The following FAM110B variants were observed in gnomAD, a reference collection of about 807,000 sequenced individuals.
FAM110B encodes protein FAM110B.
In FAM110B, 6 loss-of-function variants were observed where a neutral mutation model predicts 20.4. The ratio of observed to expected loss-of-function variants is 0.29; its 90% confidence interval spans 0.16 to 0.58. FAM110B has a LOEUF of 0.58. FAM110B is among the 20% of genes least tolerant of loss of function. The pLI is 0.90. For synonymous variants in FAM110B, 226 were observed against 214.1 expected (o/e 1.06, Z -0.49); for missense variants, 434 against 498.2 (o/e 0.87, Z 1.23).
At chr8:58,127,848 G>A (rs1027024981) in intron 3 of FAM110B, among the ~76,000 whole-genome samples, 18 of 152,230 alleles carry the variant, frequency 1.2e-4, no homozygotes, top group African/African-American at 4.3e-4. Context: ...TGGACAGGAA[G>A]GCTCAACCTA....
intron 2 of FAM110B, among the ~76,000 whole-genome samples, chr8:58,064,305 T>G (rs1805717857): frequency 6.6e-6 from 1 of 152,184 alleles, no homozygotes; most frequent in East Asian, 1.9e-4. Flanking sequence ...GTACATATCA[T>G]CAATTATTTC....
chr8:58,141,251 C>T (rs907926618), intron 3 of FAM110B, among the ~76,000 whole-genome samples: 1 of 152,210 alleles, frequency 6.6e-6, no homozygotes, highest in Non-Finnish European at 1.5e-5. Context: ...CAGTTTTACA[C>T]ATATTGTAAA....
At chr8:58,079,400 CAGAA>C (rs1175737415) in intron 3 of FAM110B, among the ~76,000 whole-genome samples, 2 of 151,014 alleles carry the variant, frequency 1.3e-5, no homozygotes, top group Non-Finnish European at 3.0e-5. Context: ...CCCTCATACT[CAGAA>C]GGAAGTATAA....
At chr8:58,022,910 GCCC>G (rs2150570118) in intron 1 of FAM110B, among the ~76,000 whole-genome samples, 1 of 152,296 alleles carries the variant, frequency 6.6e-6, no homozygotes, top group African/African-American at 2.4e-5. Context: ...GGAAAGCCCT[GCCC>G]TCGCAGGTGA....
chr8:58,055,266 C>G (rs960422680), intron 2 of FAM110B, among the ~76,000 whole-genome samples: 1 of 152,186 alleles, frequency 6.6e-6, no homozygotes, highest in Non-Finnish European at 1.5e-5. Flanking sequence ...CAGAATAGCT[C>G]TCCACTTGAC....
At chr8:58,097,549 T>C (rs1806663907) in intron 3 of FAM110B, among the ~76,000 whole-genome samples, 1 of 152,212 alleles carries the variant, frequency 6.6e-6, no homozygotes, top group African/African-American at 2.4e-5. Context: ...CTTCTGTCAG[T>C]TCATCAAACT....
Position 58,039,858 on chromosome 8 carries a change from C to T in FAM110B, c.-414+8155C>T, listed in dbSNP as rs947820556. Reference sequence around the variant, plus strand: ...AGTAGTAACCTTGAACTCCTGGGTGCCAGCAGTCCCACCTCAGCTTCCCAA... The same window carrying T: ...AGTAGTAACCTTGAACTCCTGGGTGTCAGCAGTCCCACCTCAGCTTCCCAA... On this transcript the variant is annotated intron_variant, in intron 2 of 3. Transcript: ENST00000519262. 4.8e-4 allele frequency among the ~76,000 whole-genome samples: 73 copies of T among 152,280 alleles called. No homozygotes were observed. In the East Asian group the frequency reaches 5.6e-3, roughly 12 times the overall value.
At chr8:58,089,384 G>A (rs150096169) in intron 3 of FAM110B, among the ~76,000 whole-genome samples, 49 of 152,228 alleles carry the variant, frequency 3.2e-4, no homozygotes, top group Non-Finnish European at 6.2e-4. Flanking sequence ...TAGTTTTGTG[G>A]TTTAATTTAC....
At position 58,049,011 on chromosome 8, in the gene FAM110B, G is replaced by T. The variant is rs1261231328; in HGVS notation, c.-414+17308G>T. On this transcript the variant is annotated intron_variant, in intron 2 of 3. Coordinates refer to ENST00000519262, the MANE Select transcript of FAM110B (RefSeq NM_001377989.1). ...TTTTCATTTCCTTTCAGCAGGACTG[G>T]TAGGATAGATATTGTGTGTGTGTTT... Among the ~76,000 whole-genome samples, 3 of 152,154 alleles carry T rather than the reference G, an allele frequency of 2.0e-5. No individual in the cohort carries two copies. The East Asian group carries it at 5.8e-4, about 29-fold the overall frequency.
intron 2 of FAM110B, among the ~76,000 whole-genome samples, chr8:58,062,720 T>G (rs1805682592): frequency 6.6e-6 from 1 of 152,218 alleles, no homozygotes. Context: ...AAGGTTCATG[T>G]CAATCTTGAA....
At chr8:58,044,115 C>T (rs1387021770) in intron 2 of FAM110B, among the ~76,000 whole-genome samples, 2 of 152,158 alleles carry the variant, frequency 1.3e-5, no homozygotes, top group Non-Finnish European at 2.9e-5. Flanking sequence ...AATAAAGCAC[C>T]TCATCTGTGC....
rs1000035111 is a variant in FAM110B at position 58,148,673 on chromosome 8, G to A, written c.*1330G>A. 6.0e-6 allele frequency: 1 copy of A among 167,162 alleles called. No homozygotes were observed. Among genetic ancestry groups the A allele is most frequent in the Non-Finnish European group, 1.5e-5 (1 of 68,108 alleles). The allele number at this position is 167,162 out of a possible 1,614,324, so 10.4% of individuals were successfully genotyped here. Reference sequence around the variant, plus strand: ...CTACCTTAGACTTCATGAGCTAATAGGAAACTTTTTATGGTGTAAATGCTG... The same window carrying A: ...CTACCTTAGACTTCATGAGCTAATAAGAAACTTTTTATGGTGTAAATGCTG... On this transcript the variant is annotated 3_prime_UTR_variant, in exon 4 of 4. Coordinates refer to ENST00000519262, the MANE Select transcript of FAM110B (RefSeq NM_001377989.1).
At chr8:58,026,841 G>T (rs553637113) in intron 1 of FAM110B, among the ~76,000 whole-genome samples, 41 of 152,128 alleles carry the variant, frequency 2.7e-4, no homozygotes, top group Non-Finnish European at 5.7e-4. Flanking sequence ...CTTCTACATA[G>T]GTCACATGTA....
intron 1 of FAM110B, among the ~76,000 whole-genome samples, chr8:58,010,247 C>G (rs1804502697): frequency 2.0e-5 from 3 of 151,534 alleles, no homozygotes; most frequent in Admixed American, 6.6e-5. Context: ...GTCTCGAACT[C>G]CTGACCTGAA....
intron 2 of FAM110B, chr8:58,043,171 G>A (rs924194877): frequency 5.9e-5 from 9 of 152,296 alleles, no homozygotes; most frequent in East Asian, 1.9e-4. Context: ...AACTGGAGTC[G>A]TTTGTCCCCT....
chr8:58,063,911 T>C (rs764778778), intron 2 of FAM110B, among the ~76,000 whole-genome samples: 1 of 152,194 alleles, frequency 6.6e-6, no homozygotes, highest in Non-Finnish European at 1.5e-5. Context: ...TTGGGTAGTT[T>C]ATAAAGAAAA....
At chr8:58,128,060 C>T (rs1485126664) in intron 3 of FAM110B, among the ~76,000 whole-genome samples, 2 of 152,154 alleles carry the variant, frequency 1.3e-5, no homozygotes, top group Admixed American at 6.5e-5. Context: ...TAAAAATAAC[C>T]GTTTTACTAT....
chr8:58,129,633 G>A (rs759495565), intron 3 of FAM110B, among the ~76,000 whole-genome samples: 3 of 152,092 alleles, frequency 2.0e-5, no homozygotes, highest in Non-Finnish European at 2.9e-5. Context: ...TGTGAGGCTC[G>A]AGGCTCAGGA....
chr8:58,058,333 A>T (rs201180984), intron 2 of FAM110B, among the ~76,000 whole-genome samples: 2 of 133,214 alleles, frequency 1.5e-5, no homozygotes, highest in African/African-American at 7.1e-5. Context: ...AGAGACAAAA[A>T]GGAAAAAAAA....
Sources: gnomAD v4.1 joint callset for allele counts (sites outside exome capture counted in the v4.1 genomes callset) on GRCh38, gnomAD v4.1.1 for gene constraint, MANE v1.5 for transcripts, NCBI Gene and HGNC (gene_info 2026-07-23, HGNC 2026-07-21) for gene names.